The following SUSD4 variants were observed in gnomAD, a reference collection of about 807,000 sequenced individuals.
SUSD4 encodes sushi domain containing 4, also known as sushi domain-containing protein 4.
A neutral mutation model predicts 50.5 loss-of-function variants in SUSD4; 41 were observed. The ratio of observed to expected loss-of-function variants is 0.81; its 90% CI spans 0.63 to 1.05. The LOEUF is 1.05. Among genes scored for constraint, SUSD4 ranks in the 50% least tolerant of loss-of-function variants. The probability of loss-of-function intolerance (pLI) is 0.00; values close to 1 mark genes in which losing one functional copy is unlikely to be tolerated. For missense variants in SUSD4, 580 were observed against 634.7 expected (o/e 0.91, Z 0.93); for synonymous variants, 257 against 257.3 (o/e 1.00, Z 0.01).
At chr1:223,289,304 G>A in intron 3 of SUSD4, 8 of 985,416 alleles carry the variant, frequency 8.1e-6, no homozygotes, top group Non-Finnish European at 9.6e-6. Context: ...CATCTCTGAG[G>A]TTGGAGACTT....
intron 2 of SUSD4, among the ~76,000 whole-genome samples, chr1:223,339,798 T>A (rs952986790): frequency 9.2e-5 from 14 of 152,190 alleles, no homozygotes; most frequent in Non-Finnish European, 1.9e-4. Flanking sequence ...CTGAGGCCCC[T>A]CAGGAAGCAG....
chr1:223,292,676 G>T, intron 2 of SUSD4, 25 bp from the exon 3 acceptor site: 2 of 1,610,848 alleles, frequency 1.2e-6, no homozygotes, highest in Non-Finnish European at 1.7e-6. Context: ...AGAGGAAAAG[G>T]TGCCTATGAA....
intron 2 of SUSD4, among the ~76,000 whole-genome samples, chr1:223,315,738 G>A (rs568549503): frequency 5.9e-5 from 9 of 152,146 alleles, no homozygotes; most frequent in African/African-American, 1.4e-4. Flanking sequence ...AAATTTTTCC[G>A]CTATTTCTCT....
chr1:223,233,636 G>A (rs1368121166), intron 5 of SUSD4, among the ~76,000 whole-genome samples: 2 of 152,154 alleles, frequency 1.3e-5, no homozygotes, highest in African/African-American at 2.4e-5. Context: ...CATGGTTGGC[G>A]TTTGAAATAA....
intron 2 of SUSD4, among the ~76,000 whole-genome samples, chr1:223,298,149 G>T (rs1334259877): frequency 2.0e-5 from 3 of 151,554 alleles, no homozygotes; most frequent in Admixed American, 6.6e-5. Context: ...TGGATGGATG[G>T]GTTGGATTGG....
At chr1:223,356,262 T>A (rs1011792780) in intron 2 of SUSD4, among the ~76,000 whole-genome samples, 1 of 152,158 alleles carries the variant, frequency 6.6e-6, no homozygotes, top group East Asian at 1.9e-4. Context: ...AATTCTTTCC[T>A]AAAACACAGC....
At chr1:223,261,935 G>T (rs1662151790) in intron 5 of SUSD4, among the ~76,000 whole-genome samples, 1 of 152,194 alleles carries the variant, frequency 6.6e-6, no homozygotes, top group South Asian at 2.1e-4. Context: ...CCATTTTACA[G>T]AGGAAGAAAT....
chr1:223,261,024 C>A (rs1662082457), intron 5 of SUSD4, among the ~76,000 whole-genome samples: 1 of 152,154 alleles, frequency 6.6e-6, no homozygotes, highest in South Asian at 2.1e-4. Flanking sequence ...CAGGACAAGT[C>A]ATGGCATTCT....
In SUSD4 at chr1:223,223,732, T is replaced by C. The variant is rs564638691; in HGVS notation, c.1062-101A>G. 3.3e-4 allele frequency: 461 copies of C among 1,381,466 alleles called. 5 individuals carry two copies. The South Asian group carries it at 6.3e-3, about 19-fold the overall frequency. 85.6% of individuals were successfully genotyped at this position (1,381,466 alleles called of 1,614,324 possible). ...CACTCGGGGTCCTCAGGACCCACGA[T>C]GGGCAGCAGAGTCCCGTATGGAGGA... On this transcript the variant is annotated intron_variant, in intron 7 of 8. Coordinates refer to ENST00000366878, the MANE Select transcript of SUSD4 (RefSeq NM_017982.4).
chr1:223,230,743 A>G (rs1659842100), intron 5 of SUSD4: 1 of 152,206 alleles, frequency 6.6e-6, no homozygotes, highest in African/African-American at 2.4e-5. Context: ...TAGAGGAGTG[A>G]GTAGAAGCCC....
At chr1:223,236,560 G>GT (rs1433494960) in intron 5 of SUSD4, among the ~76,000 whole-genome samples, 1 of 134,144 alleles carries the variant, frequency 7.5e-6, no homozygotes, top group Non-Finnish European at 1.6e-5. Flanking sequence ...TTTTTTTTTT[G>GT]TTTTTGTATG....
At chr1:223,359,365 C>A (rs1453262172) in intron 2 of SUSD4, among the ~76,000 whole-genome samples, 1 of 152,168 alleles carries the variant, frequency 6.6e-6, no homozygotes, top group Non-Finnish European at 1.5e-5. Flanking sequence ...ATGTAACCAC[C>A]TTCCACACCT....
intron 5 of SUSD4, among the ~76,000 whole-genome samples, chr1:223,250,808 C>T (rs1455579253): frequency 2.0e-5 from 3 of 152,102 alleles, no homozygotes; most frequent in African/African-American, 2.4e-5. Context: ...TGCGGTGTAC[C>T]GGGCTAGAGG....
At chr1:223,268,051 A>G in intron 4 of SUSD4, among the ~76,000 whole-genome samples, 1 of 134,602 alleles carries the variant, frequency 7.4e-6, no homozygotes, top group African/African-American at 2.8e-5. Context: ...ATACACACAC[A>G]CTGTTAAGAG....
chr1:223,285,760 T>C (rs990358236), intron 3 of SUSD4, among the ~76,000 whole-genome samples: 2 of 152,294 alleles, frequency 1.3e-5, no homozygotes, highest in African/African-American at 4.8e-5. Context: ...AAATACCTCA[T>C]GTTCTCACTT....
At chr1:223,262,892 G>T (rs747971976) in intron 5 of SUSD4, among the ~76,000 whole-genome samples, 7 of 152,212 alleles carry the variant, frequency 4.6e-5, no homozygotes, top group Non-Finnish European at 1.0e-4. Context: ...AGTGGAGGAT[G>T]GCAGAGGAAA....
chr1:223,237,241 GT>G (rs1303836868), intron 5 of SUSD4, among the ~76,000 whole-genome samples: 1 of 151,908 alleles, frequency 6.6e-6, no homozygotes, highest in Non-Finnish European at 1.5e-5. Context: ...TTCTAGGAGG[GT>G]TTTTTGGTCA....
intron 5 of SUSD4, among the ~76,000 whole-genome samples, chr1:223,245,402 G>A (rs1460689202): frequency 6.6e-6 from 1 of 151,924 alleles, no homozygotes; most frequent in Non-Finnish European, 1.5e-5. Flanking sequence ...GGAAGGACTC[G>A]GTCCAGGAAG....
chr1:223,255,663 C>A (rs145252333), intron 5 of SUSD4, among the ~76,000 whole-genome samples: 1 of 152,128 alleles, frequency 6.6e-6, no homozygotes, highest in Non-Finnish European at 1.5e-5. Flanking sequence ...CTAGAGGAGG[C>A]GAGGGAAGGG....
Sources: allele counts gnomAD v4.1 joint callset (sites outside exome capture counted in the v4.1 genomes callset), GRCh38; gene constraint gnomAD v4.1.1; transcripts MANE v1.5; gene names NCBI Gene and HGNC (gene_info 2026-07-23, HGNC 2026-07-21).